NCKAP5: variants seen among roughly 807,000 people sequenced by gnomAD.
The protein encoded by NCKAP5 is NCK associated protein 5.
In NCKAP5, 92 loss-of-function variants were observed where a neutral mutation model predicts 167.0. The observed-to-expected ratio is 0.55, with a 90% CI of 0.47 to 0.66. The LOEUF (loss-of-function observed/expected upper bound fraction) is 0.66, where lower values mean the gene tolerates loss of function less well. Among genes scored for constraint, NCKAP5 ranks in the 30% least tolerant of loss-of-function variants. The probability of loss-of-function intolerance (pLI) is 0.00; values close to 1 mark genes in which losing one functional copy is unlikely to be tolerated. For synonymous variants in NCKAP5, 891 were observed against 877.4 expected (o/e 1.02, Z -0.27); for missense variants, 2,378 against 2,315.0 (o/e 1.03, Z -0.56).
rs1260433404 is a variant in NCKAP5 at position 133,460,004 on chromosome 2, C to T, written c.69+57454G>A. 3.3e-5 allele frequency among the ~76,000 whole-genome samples: 5 copies of T among 152,226 alleles called. No individual in the cohort carries two copies. In the East Asian group the frequency reaches 7.7e-4, roughly 23 times the overall value. ...GTGCAAAAAGAGGAAAGATAAAACT[C>T]GCATCAGTTCATTTTTCCTTTACTA... is the stretch of plus-strand genomic sequence containing the variant. On this transcript the variant is annotated intron_variant, in intron 3 of 19. Coordinates refer to ENST00000409261, the MANE Select transcript of NCKAP5 (RefSeq NM_207363.3).
chr2:133,442,416 G>A (rs1251953519), intron 3 of NCKAP5, among the ~76,000 whole-genome samples: 1 of 152,190 alleles, frequency 6.6e-6, no homozygotes, highest in African/African-American at 2.4e-5. Flanking sequence ...AGCTGTTGAA[G>A]CTGCCTAACA....
chr2:133,576,128 A>T, the NCKAP5 span, among the ~76,000 whole-genome samples: 1 of 152,208 alleles, frequency 6.6e-6, no homozygotes, highest in Non-Finnish European at 1.5e-5. Flanking sequence ...CCAGCTACAG[A>T]CTTGAATGGG....
chr2:132,889,528 T>C (rs1692516925), intron 8 of NCKAP5, among the ~76,000 whole-genome samples: 1 of 151,624 alleles, frequency 6.6e-6, no homozygotes, highest in Non-Finnish European at 1.5e-5. Context: ...AAAACTACAA[T>C]GCAATAGGAT....
At chr2:133,115,391 C>G (rs1418576803) in intron 6 of NCKAP5, among the ~76,000 whole-genome samples, 1 of 152,122 alleles carries the variant, frequency 6.6e-6, no homozygotes, top group Non-Finnish European at 1.5e-5. Flanking sequence ...GATCCCACTA[C>G]AAGTGTACAA....
At chr2:132,942,577 T>C (rs574813706) in intron 8 of NCKAP5, among the ~76,000 whole-genome samples, 3 of 152,226 alleles carry the variant, frequency 2.0e-5, no homozygotes, top group Admixed American at 6.5e-5. Context: ...GATGCCGATA[T>C]AATTTAGACC....
At chr2:133,285,867 A>G (rs1679082398) in intron 4 of NCKAP5, among the ~76,000 whole-genome samples, 1 of 152,234 alleles carries the variant, frequency 6.6e-6, no homozygotes, top group South Asian at 2.1e-4. Context: ...TATACATGTT[A>G]AATTAATTAT....
At chr2:133,284,173 A>G (rs1050537443) in intron 4 of NCKAP5, among the ~76,000 whole-genome samples, 3 of 151,754 alleles carry the variant, frequency 2.0e-5, no homozygotes, top group African/African-American at 7.3e-5. Context: ...ATATATATAT[A>G]TGATTGTATA....
Position 133,539,976 on chromosome 2 carries a change from C to T in NCKAP5, c.-62+19074G>A, listed in dbSNP as rs528209042. On this transcript the variant is annotated intron_variant, in intron 2 of 19. Coordinates refer to ENST00000409261, the MANE Select transcript of NCKAP5 (RefSeq NM_207363.3). ...CAGGCAGATCATGAGGTCAGGAGAT[C>T]GAGACCATCCTGGCTAACACAGTGA... Among the ~76,000 whole-genome samples the T allele has an allele frequency of 2.6e-5, 4 of 152,192 alleles. No individual in the cohort carries two copies. The South Asian group carries it at 6.2e-4, about 24-fold the overall frequency.
intron 8 of NCKAP5, among the ~76,000 whole-genome samples, chr2:132,927,432 T>C (rs1695992007): frequency 6.6e-6 from 1 of 152,158 alleles, no homozygotes. Flanking sequence ...GGGATTACAC[T>C]GAATATACAG....
At chr2:132,708,531 C>T (rs935925809) in intron 19 of NCKAP5, among the ~76,000 whole-genome samples, 1 of 152,070 alleles carries the variant, frequency 6.6e-6, no homozygotes, top group Non-Finnish European at 1.5e-5. Context: ...GCCAGCTCAG[C>T]CACAGTAGAA....
chr2:133,395,354 A>C (rs1475175098), intron 3 of NCKAP5, among the ~76,000 whole-genome samples: 1 of 152,186 alleles, frequency 6.6e-6, no homozygotes, highest in Middle Eastern at 3.2e-3. Context: ...GCCAGTGCTG[A>C]AGATTTCCTT....
intron 3 of NCKAP5, among the ~76,000 whole-genome samples, chr2:133,352,352 G>A (rs1381985417): frequency 6.6e-6 from 1 of 152,216 alleles, no homozygotes; most frequent in Non-Finnish European, 1.5e-5. Context: ...TGCCTGACAT[G>A]CATAAGTTGC....
rs902868587 is a variant in NCKAP5, at chr2:133,274,001, G to A, written c.143+29036C>T. On this transcript the variant is annotated intron_variant, in intron 4 of 19. Transcript: ENST00000409261. The stretch of plus-strand genomic sequence containing the variant: ...AAAAAAAAAAAAAAATCTATAACAC[G>A]CCTTATATTAAATAGTTAAGTTAAA... Among the ~76,000 whole-genome samples the A allele has an allele frequency of 1.1e-3, 158 of 147,032 alleles. 2 individuals are homozygous for A. The highest frequency in any genetic ancestry group is 3.2e-3 in the African/African-American group (129 of 39,928).
chr2:132,748,110 T>A (rs1022300666), intron 16 of NCKAP5, among the ~76,000 whole-genome samples: 4 of 152,200 alleles, frequency 2.6e-5, no homozygotes, highest in Non-Finnish European at 5.9e-5. Context: ...TTCTCTTCAC[T>A]GTGTCCCTGC....
intron 4 of NCKAP5, among the ~76,000 whole-genome samples, chr2:133,239,981 C>A (rs1010887522): frequency 1.3e-5 from 2 of 151,656 alleles, no homozygotes; most frequent in Non-Finnish European, 2.9e-5. Flanking sequence ...TTTCAAATAA[C>A]CCTTACCAAA....
chr2:133,320,763 T>G (rs1181541894), intron 3 of NCKAP5, among the ~76,000 whole-genome samples: 9 of 152,016 alleles, frequency 5.9e-5, no homozygotes, highest in Non-Finnish European at 1.2e-4. Flanking sequence ...AAAAAGGCCC[T>G]TTATGCCTCC....
At chr2:133,155,428 T>C (rs1478167468) in intron 5 of NCKAP5, among the ~76,000 whole-genome samples, 1 of 152,156 alleles carries the variant, frequency 6.6e-6, no homozygotes, top group Non-Finnish European at 1.5e-5. Flanking sequence ...CGGATGCTGG[T>C]GGCCAGGACT....
chr2:133,063,845 T>C lies in NCKAP5; in HGVS notation c.341+66133A>G, dbSNP rs190436691. On this transcript the variant is annotated intron_variant, in intron 6 of 19. Transcript: ENST00000409261. The stretch of plus-strand genomic sequence containing the variant: ...AGAAAAACTTAAGATATTTAACTGA[T>C]ATATTTGTGGGGAAAACTTGTAACA... 1.9e-3 allele frequency among the ~76,000 whole-genome samples: 291 copies of C among 152,320 alleles called. 1 individual carries two copies. Among genetic ancestry groups the C allele is most frequent in the Non-Finnish European group, 2.5e-3 (172 of 68,028 alleles).
intron 3 of NCKAP5, among the ~76,000 whole-genome samples, chr2:133,496,640 A>G (rs375339715): frequency 1.3e-5 from 2 of 152,272 alleles, no homozygotes; most frequent in East Asian, 3.9e-4. Context: ...ATGCGAATTC[A>G]TGGCCTCACT....
Sources: gnomAD v4.1 joint callset for allele counts (sites outside exome capture counted in the v4.1 genomes callset) on GRCh38, gnomAD v4.1.1 for gene constraint, MANE v1.5 for transcripts, NCBI Gene and HGNC (gene_info 2026-07-23, HGNC 2026-07-21) for gene names.